FBXL13: variants seen among roughly 807,000 people sequenced by gnomAD.
FBXL13 encodes F-box and leucine-rich repeat protein 13.
Under a neutral mutation model 83.6 loss-of-function variants are expected in FBXL13, and 67 were observed. The observed-to-expected ratio is 0.80, with a 90% CI of 0.66 to 0.98. The LOEUF is 0.98. Ranked by LOEUF, FBXL13 falls within the 50% of genes least tolerant of loss-of-function variation. The pLI is 0.00. For missense variants in FBXL13, 822 were observed against 866.5 expected (o/e 0.95, Z 0.64); for synonymous variants, 272 against 299.5 (o/e 0.91, Z 0.95).
At chr7:102,889,898 A>G (rs1481183347) in intron 11 of FBXL13, among the ~76,000 whole-genome samples, 1 of 152,028 alleles carries the variant, frequency 6.6e-6, no homozygotes, top group Non-Finnish European at 1.5e-5. Flanking sequence ...GATTTCCTGA[A>G]CAAGAGGGAA....
chr7:102,853,578 G>C lies in FBXL13; in HGVS notation c.1719+1199C>G, dbSNP rs189289507. Among the ~76,000 whole-genome samples, 90 of 152,010 alleles carry C rather than the reference G, an allele frequency of 5.9e-4. 1 individual carries two copies. Among genetic ancestry groups the C allele is most frequent in the South Asian group, 3.1e-3 (15 of 4,796 alleles). Reference sequence around the variant, plus strand: ...CAAAAGAAACTACCATCAGAGTGAAGAGGCAACCCACAAAATGGGAGAAAA... The same window carrying C: ...CAAAAGAAACTACCATCAGAGTGAACAGGCAACCCACAAAATGGGAGAAAA... On this transcript the variant is annotated intron_variant, in intron 17 of 19. Coordinates refer to ENST00000313221, the Ensembl canonical transcript of FBXL13.
intron 9 of FBXL13, among the ~76,000 whole-genome samples, chr7:102,930,372 A>T (rs1818939219): frequency 6.6e-6 from 1 of 152,004 alleles, no homozygotes; most frequent in Non-Finnish European, 1.5e-5. Context: ...CATCCTCTAT[A>T]AACCTGTTTC....
intron 10 of FBXL13, among the ~76,000 whole-genome samples, chr7:102,920,181 G>A (rs941435065): frequency 1.3e-5 from 2 of 152,154 alleles, no homozygotes; most frequent in African/African-American, 4.8e-5. Flanking sequence ...GCCTGTTAAA[G>A]TATGTTTTTA....
intron 5 of FBXL13, 132 bp downstream of exon 6, chr7:103,027,317 A>C: frequency 3.2e-6 from 2 of 615,650 alleles, no homozygotes; most frequent in South Asian, 2.6e-5. Context: ...AAATAAAAAA[A>C]AACAAGAATC....
intron 13 of FBXL13, 44 bp from the exon 15 acceptor site, chr7:102,883,511 A>T (rs1330020306): frequency 1.3e-6 from 2 of 1,592,640 alleles, no homozygotes; most frequent in Non-Finnish European, 1.7e-6. Flanking sequence ...TGTATTTAGA[A>T]TGCCACAAGA....
chr7:102,840,722 G>A (rs746659480), intron 17 of FBXL13, among the ~76,000 whole-genome samples: 75 of 152,112 alleles, frequency 4.9e-4, no homozygotes, highest in Non-Finnish European at 8.1e-4. Context: ...GAGGCTACCA[G>A]TCTAGTGGAA....
At chr7:103,048,523 T>G (rs986439933) in intron 2 of FBXL13, among the ~76,000 whole-genome samples, 1 of 152,136 alleles carries the variant, frequency 6.6e-6, no homozygotes, top group Non-Finnish European at 1.5e-5. Context: ...ATTAGTGGAC[T>G]ATTAATGTCA....
At chr7:102,844,353 C>T (rs1023153845) in intron 17 of FBXL13, among the ~76,000 whole-genome samples, 2 of 152,176 alleles carry the variant, frequency 1.3e-5, no homozygotes, top group Admixed American at 1.3e-4. Flanking sequence ...TAAAACTGCA[C>T]AGGACCCATA....
intron 17 of FBXL13, among the ~76,000 whole-genome samples, chr7:102,841,402 A>C (rs1280538868): frequency 6.6e-6 from 1 of 152,204 alleles, no homozygotes; most frequent in Non-Finnish European, 1.5e-5. Flanking sequence ...CAATATGAAA[A>C]GAACAGATGT....
intron 17 of FBXL13, among the ~76,000 whole-genome samples, chr7:102,840,655 T>C (rs1007387175): frequency 6.6e-6 from 1 of 152,204 alleles, no homozygotes; most frequent in African/African-American, 2.4e-5. Context: ...CTATTATCAG[T>C]ACTGCTTTCA....
intron 16 of FBXL13, chr7:102,857,478 C>CT (rs1415477376): frequency 3.9e-5 from 6 of 153,786 alleles, no homozygotes; most frequent in Non-Finnish European, 7.3e-5. Context: ...GCTGTGATAT[C>CT]TGTCACCCCA....
chr7:102,827,411 T>C (rs1343527196), intron 18 of FBXL13, among the ~76,000 whole-genome samples: 1 of 152,126 alleles, frequency 6.6e-6, no homozygotes, highest in Non-Finnish European at 1.5e-5. Flanking sequence ...GAAAATAAAA[T>C]GGTAGTTGTC....
intron 10 of FBXL13, among the ~76,000 whole-genome samples, chr7:102,922,185 G>C (rs954595715): frequency 6.8e-6 from 1 of 146,606 alleles, no homozygotes; most frequent in Non-Finnish European, 1.5e-5. Flanking sequence ...GGAAGACTCT[G>C]TCTCAAAAAA....
At chr7:102,995,393 A>ATTCT (rs1829994908) in intron 6 of FBXL13, among the ~76,000 whole-genome samples, 1 of 147,866 alleles carries the variant, frequency 6.8e-6, no homozygotes, top group Non-Finnish European at 1.5e-5. Flanking sequence ...AGGCAGGAGA[A>ATTCT]TGGCGTGAAC....
At chr7:102,969,963 A>C (rs1289114138) in intron 6 of FBXL13, among the ~76,000 whole-genome samples, 1 of 152,122 alleles carries the variant, frequency 6.6e-6, no homozygotes, top group African/African-American at 2.4e-5. Flanking sequence ...TATCAAAAAG[A>C]TCTCTCGCCA....
intron 10 of FBXL13, among the ~76,000 whole-genome samples, chr7:102,914,180 C>A (rs1248434270): frequency 6.6e-6 from 1 of 152,232 alleles, no homozygotes; most frequent in Non-Finnish European, 1.5e-5. Flanking sequence ...TCAAGCGATT[C>A]TCCTGCCTCA....
chr7:103,030,552 T>C (rs997794333), intron 2 of FBXL13, among the ~76,000 whole-genome samples: 2 of 152,186 alleles, frequency 1.3e-5, no homozygotes, highest in Non-Finnish European at 1.5e-5. Context: ...AGTACTGTTG[T>C]AGGTCCCTAA....
At chr7:102,844,536 G>C (rs943782373) in intron 17 of FBXL13, among the ~76,000 whole-genome samples, 1 of 152,142 alleles carries the variant, frequency 6.6e-6, no homozygotes, top group African/African-American at 2.4e-5. Context: ...GAGGTGAAGA[G>C]AGCTTAGAGG....
intron 16 of FBXL13, among the ~76,000 whole-genome samples, chr7:102,861,732 A>G (rs1458058131): frequency 2.0e-5 from 3 of 152,254 alleles, no homozygotes; most frequent in Admixed American, 2.0e-4. Flanking sequence ...CTGTAATCCC[A>G]GCACTTTGGG....
Sources: gnomAD v4.1 joint callset for allele counts (sites outside exome capture counted in the v4.1 genomes callset) on GRCh38, gnomAD v4.1.1 for gene constraint, MANE v1.5 for transcripts, NCBI Gene and HGNC (gene_info 2026-07-23, HGNC 2026-07-21) for gene names.